The following LINGO2 variants were observed in gnomAD, a reference collection of about 807,000 sequenced individuals.
LINGO2 encodes leucine-rich repeat and immunoglobulin-like domain-containing nogo receptor-interacting protein 2.
In LINGO2, 14 loss-of-function variants were observed where a neutral mutation model predicts 30.6. That is an observed-to-expected ratio of 0.46 (90% CI 0.30 to 0.72). The LOEUF (loss-of-function observed/expected upper bound fraction) is 0.72, where lower values mean the gene tolerates loss of function less well. LINGO2 is among the 30% of genes least tolerant of loss of function. The pLI, the probability that LINGO2 is intolerant of heterozygous loss-of-function variation, is 0.07. For synonymous variants in LINGO2, 317 were observed against 288.5 expected, an observed-to-expected ratio of 1.10 and a Z score of -1.00; for missense variants, 729 against 751.7, an observed-to-expected ratio of 0.97 and a Z score of 0.35.
chr9:29,169,668 A>G, the LINGO2 span, among the ~76,000 whole-genome samples: 1 of 152,200 alleles, frequency 6.6e-6, no homozygotes, highest in African/African-American at 2.4e-5. Flanking sequence ...GAGAATATTT[A>G]TACATTGTTG....
At chr9:28,198,428 T>C (rs1014561084) in intron 4 of LINGO2, among the ~76,000 whole-genome samples, 1 of 152,160 alleles carries the variant, frequency 6.6e-6, no homozygotes, top group Non-Finnish European at 1.5e-5. Flanking sequence ...CAAGGGAGAA[T>C]GGCAACAGAA....
the LINGO2 span, among the ~76,000 whole-genome samples, chr9:29,146,917 A>C: frequency 6.6e-6 from 1 of 152,196 alleles, no homozygotes; most frequent in South Asian, 2.1e-4. Context: ...TATTAAAATT[A>C]TAAACTCCAG....
chr9:28,825,567 G>GTT, the LINGO2 span, among the ~76,000 whole-genome samples: 31 of 45,794 alleles, frequency 6.8e-4, no homozygotes, highest in Non-Finnish European at 2.4e-3. Flanking sequence ...ATTTGTATCT[G>GTT]GTTTTTTTTT....
At chr9:28,763,365 G>A in the LINGO2 span, among the ~76,000 whole-genome samples, 1 of 151,874 alleles carries the variant, frequency 6.6e-6, no homozygotes, top group Non-Finnish European at 1.5e-5. Context: ...AATGAAACTA[G>A]AAATCAGTAA....
chr9:28,246,900 T>G (rs1475734764), intron 4 of LINGO2, among the ~76,000 whole-genome samples: 2 of 151,966 alleles, frequency 1.3e-5, no homozygotes, highest in South Asian at 2.1e-4. Context: ...CTAAAACAAA[T>G]TTACAAGAAA....
chr9:28,336,341 A>G (rs892861310), intron 3 of LINGO2, among the ~76,000 whole-genome samples: 4 of 152,122 alleles, frequency 2.6e-5, no homozygotes, highest in African/African-American at 9.7e-5. Flanking sequence ...AGGATTTGGA[A>G]GTATTTCCCC....
At chr9:28,035,481 T>C (rs1823885097) in intron 4 of LINGO2, among the ~76,000 whole-genome samples, 2 of 152,236 alleles carry the variant, frequency 1.3e-5, no homozygotes, top group African/African-American at 2.4e-5. Context: ...CAGTATATAA[T>C]AGAATCCAGT....
the LINGO2 span, among the ~76,000 whole-genome samples, chr9:29,179,074 C>G: frequency 6.7e-6 from 1 of 149,796 alleles, no homozygotes; most frequent in African/African-American, 2.5e-5. Context: ...AAAATTAAAC[C>G]ACTTAGGGCC....
At chr9:29,156,419 C>T in the LINGO2 span, among the ~76,000 whole-genome samples, 1 of 152,044 alleles carries the variant, frequency 6.6e-6, no homozygotes, top group Non-Finnish European at 1.5e-5. Flanking sequence ...AGTCAATCAA[C>T]TCTTTGCTTT....
At chr9:28,589,599 G>A (rs1451851234) in intron 1 of LINGO2, among the ~76,000 whole-genome samples, 2 of 152,122 alleles carry the variant, frequency 1.3e-5, no homozygotes, top group Non-Finnish European at 2.9e-5. Context: ...TACAAGGGAT[G>A]TGAAGGTTCT....
At chr9:28,758,796 A>C in the LINGO2 span, among the ~76,000 whole-genome samples, 1 of 152,106 alleles carries the variant, frequency 6.6e-6, no homozygotes, top group African/African-American at 2.4e-5. Flanking sequence ...CAAGGATAGA[A>C]GGTATCATTA....
the LINGO2 span, among the ~76,000 whole-genome samples, chr9:29,203,839 G>A: frequency 5.3e-5 from 8 of 152,286 alleles, no homozygotes; most frequent in South Asian, 1.7e-3. Context: ...TTAGGAACAA[G>A]GGAGCCCCAG....
chr9:28,763,685 G>A, the LINGO2 span, among the ~76,000 whole-genome samples: 1 of 151,370 alleles, frequency 6.6e-6, no homozygotes, highest in Non-Finnish European at 1.5e-5. Flanking sequence ...GAAGAGTAGG[G>A]CAAAAATAAA....
chr9:29,066,593 A>C, the LINGO2 span, among the ~76,000 whole-genome samples: 1 of 151,968 alleles, frequency 6.6e-6, no homozygotes. Context: ...AAAAGTCACA[A>C]TGGTAAAATG....
chr9:28,401,839 G>A (rs572745297), intron 2 of LINGO2, among the ~76,000 whole-genome samples: 4 of 152,294 alleles, frequency 2.6e-5, no homozygotes, highest in African/African-American at 9.6e-5. Context: ...TGACTGGCAT[G>A]AGATGGTATC....
At chr9:28,365,304 G>A (rs1331232790) in intron 3 of LINGO2, among the ~76,000 whole-genome samples, 1 of 152,138 alleles carries the variant, frequency 6.6e-6, no homozygotes, top group Non-Finnish European at 1.5e-5. Context: ...GGTTGAAAAT[G>A]TCACCTGGGC....
Position 28,391,502 on chromosome 9 carries a change from T to G in LINGO2, c.-278-18634A>C, listed in dbSNP as rs77951093. Among the ~76,000 whole-genome samples, 769 of 152,298 alleles carry G rather than the reference T, an allele frequency of 5.0e-3. 4 individuals are homozygous for G. Among genetic ancestry groups the G allele is most frequent in the African/African-American group, 0.018 (742 of 41,564 alleles). The stretch of plus-strand genomic sequence containing the variant: ...TCATCTGTTTTTCTGTTATGATTTA[T>G]CATTTCCTTACCAAGGCCTTCCCTG... On this transcript the variant is annotated intron_variant, in intron 2 of 5. Transcript: ENST00000379992.
intron 5 of LINGO2, among the ~76,000 whole-genome samples, chr9:28,003,237 T>C (rs1320975993): frequency 6.6e-6 from 1 of 152,110 alleles, no homozygotes; most frequent in Non-Finnish European, 1.5e-5. Context: ...TATTCCTTGA[T>C]TTAATTCACT....
chr9:28,048,822 A>T (rs947055212), intron 4 of LINGO2, among the ~76,000 whole-genome samples: 2 of 150,720 alleles, frequency 1.3e-5, no homozygotes, highest in South Asian at 4.3e-4. Context: ...CAATCGATGA[A>T]AATAGCAACA....
Sources: allele counts gnomAD v4.1 joint callset (sites outside exome capture counted in the v4.1 genomes callset), GRCh38; gene constraint gnomAD v4.1.1; transcripts MANE v1.5; gene names NCBI Gene and HGNC (gene_info 2026-07-23, HGNC 2026-07-21).